RP2: variants seen among roughly 807,000 people sequenced by gnomAD.
The protein encoded by RP2 is protein XRP2.
Under a neutral mutation model 20.3 loss-of-function variants are expected in RP2, and 3 were observed. The observed-to-expected ratio is 0.15, with a 90% confidence interval of 0.07 to 0.38. The LOEUF is 0.38. Among genes scored for constraint, RP2 ranks in the 10% least tolerant of loss-of-function variants. The pLI, the probability that RP2 is intolerant of heterozygous loss-of-function variation, is 1.00. For synonymous variants in RP2, 75 were observed against 94.8 expected (o/e 0.79, Z 1.22); for missense variants, 233 against 268.5 (o/e 0.87, Z 0.92).
At chrX:46,863,668 T>C (rs1265995324) in intron 3 of RP2, among the ~76,000 whole-genome samples, 1 of 111,918 alleles carries the variant, frequency 8.9e-6, no homozygotes, top group Non-Finnish European at 1.9e-5. Flanking sequence ...TGGCAGCATC[T>C]CTGGCCTCTA....
At chrX:46,837,281 G>C in intron 1 of RP2, 79 bp downstream of exon 1, 1 of 974,110 alleles carries the variant, frequency 1.0e-6, no homozygotes, top group Non-Finnish European at 1.4e-6. Flanking sequence ...GACCGCTGAG[G>C]GGGCCGACCC....
At chrX:46,875,705 A>G (rs1426474433) in intron 3 of RP2, among the ~76,000 whole-genome samples, 1 of 111,724 alleles carries the variant, frequency 9.0e-6, no homozygotes, top group African/African-American at 3.2e-5. Context: ...TCCTTTTGAT[A>G]GAACCCCACT....
intron 3 of RP2, among the ~76,000 whole-genome samples, chrX:46,864,849 A>G (rs369825157): frequency 1.8e-5 from 2 of 112,197 alleles, no homozygotes; most frequent in East Asian, 2.8e-4. Context: ...AATTCATTCA[A>G]TTATTCAACA....
chrX:46,839,557 A>AT (rs1412686985), intron 1 of RP2, among the ~76,000 whole-genome samples: 3 of 110,777 alleles, frequency 2.7e-5, no homozygotes, highest in African/African-American at 9.8e-5. Flanking sequence ...GTTTCCAAAA[A>AT]AAAAAAATAA....
At chrX:46,864,047 C>A (rs782261451) in intron 3 of RP2, among the ~76,000 whole-genome samples, 1 of 111,670 alleles carries the variant, frequency 9.0e-6, no homozygotes, top group South Asian at 3.7e-4. Context: ...CACGGTGGCT[C>A]ACACCTGTAA....
chrX:46,877,043 T>C (rs996600004), intron 3 of RP2, among the ~76,000 whole-genome samples: 1 of 112,485 alleles, frequency 8.9e-6, no homozygotes, highest in Admixed American at 9.4e-5. Flanking sequence ...TCAATTCTTA[T>C]TTGGCTTAGC....
In RP2 at chrX:46,853,854, G is replaced by T. The variant is rs150333404; in HGVS notation, c.481G>T (p.Asp161Tyr). ...YYPELAFQFK[D>Y]AGLSIFNNTW... is the part of the protein sequence containing the mutation. The stretch of plus-strand genomic sequence containing the variant: ...TCCTGAATTAGCTTTCCAGTTCAAA[G>T]ATGCAGGGCTAAGTATCTTCAACAA... Residue 161 changes from aspartate (D) to tyrosine (Y), a missense_variant, in exon 2 of 5, where the codon GAT becomes TAT. Physicochemically the swap from Asp to Tyr is radical, Grantham distance 160. Transcript: ENST00000218340. 23 of 1,210,242 alleles carry T rather than the reference G, an allele frequency of 1.9e-5. 1 individual carries two copies. The highest frequency in any genetic ancestry group is 2.6e-5 in the Non-Finnish European group (23 of 895,348).
At chrX:46,877,790 AT>A (rs1183322260) in intron 4 of RP2, among the ~76,000 whole-genome samples, 200 bp downstream of exon 4, 2 of 109,025 alleles carry the variant, frequency 1.8e-5, no homozygotes, top group African/African-American at 6.7e-5. Context: ...CTAAGCTGTG[AT>A]TTTTTTCTTG....
intron 1 of RP2, among the ~76,000 whole-genome samples, chrX:46,837,906 C>A (rs1181663599): frequency 8.9e-6 from 1 of 111,846 alleles, no homozygotes; most frequent in Non-Finnish European, 1.9e-5. Flanking sequence ...AATGAAAACG[C>A]CCTTATTTTT....
chrX:46,872,638 T>C (rs1484730167), intron 3 of RP2, among the ~76,000 whole-genome samples: 1 of 112,326 alleles, frequency 8.9e-6, no homozygotes, highest in Admixed American at 9.5e-5. Context: ...CATCTCTGTG[T>C]CATTATTGTC....
chrX:46,863,459 T>C (rs1342355841), intron 3 of RP2, among the ~76,000 whole-genome samples: 1 of 112,254 alleles, frequency 8.9e-6, no homozygotes, highest in African/African-American at 3.2e-5. Context: ...TTTAAGCTGC[T>C]CAGCAGTGCG....
chrX:46,847,718 ATATG>A (rs1433606236), intron 1 of RP2, among the ~76,000 whole-genome samples: 41 of 72,225 alleles, frequency 5.7e-4, no homozygotes, highest in African/African-American at 2.5e-3. Flanking sequence ...ATACACACAT[ATATG>A]TGTGTGTGTA....
chrX:46,840,585 T>C (rs1924602791), intron 1 of RP2, among the ~76,000 whole-genome samples: 1 of 112,659 alleles, frequency 8.9e-6, no homozygotes, highest in South Asian at 3.6e-4. Context: ...ATCTGTATGC[T>C]GCCACCCATA....
At chrX:46,868,600 A>G (rs1440590672) in intron 3 of RP2, among the ~76,000 whole-genome samples, 1 of 106,150 alleles carries the variant, frequency 9.4e-6, no homozygotes, top group Non-Finnish European at 1.9e-5. Context: ...GCCTGCCAAC[A>G]TGATGAAACC....
chrX:46,848,024 A>T (rs1924788967), intron 1 of RP2, among the ~76,000 whole-genome samples: 2 of 104,819 alleles, frequency 1.9e-5, no homozygotes, highest in Admixed American at 2.1e-4. Context: ...CAAGTATAAA[A>T]CAGAGATAAT....
chrX:46,849,149 C>A (rs1201208959), intron 1 of RP2, among the ~76,000 whole-genome samples: 1 of 110,863 alleles, frequency 9.0e-6, no homozygotes, highest in Non-Finnish European at 1.9e-5. Context: ...GAACTAGTAA[C>A]CTGCAAAATT....
At chrX:46,860,313 T>C (rs1925041179) in intron 3 of RP2, among the ~76,000 whole-genome samples, 1 of 111,104 alleles carries the variant, frequency 9.0e-6, no homozygotes, top group Admixed American at 9.7e-5. Context: ...TTTTTTTCCC[T>C]ATCCTCTGTT....
rs139247971 is a variant in RP2 at position 46,866,276 on chromosome X, G to T, written c.883+6174G>T. ...GCTAGGTGTGCCCTTTACTAATGGG[G>T]TACCACTGGTTCTAGGCCCTTTCAA... On this transcript the variant is annotated intron_variant, in intron 3 of 4. Coordinates refer to ENST00000218340, the MANE Select transcript of RP2 (RefSeq NM_006915.3). Among the ~76,000 whole-genome samples, 658 of 111,767 alleles carry T rather than the reference G, an allele frequency of 5.9e-3. 5 individuals are homozygous for T. Among genetic ancestry groups the T allele is most frequent in the Non-Finnish European group, 9.9e-3 (525 of 53,166 alleles).
At position 46,881,988 on chromosome X, in the gene RP2, C is replaced by G. The variant is rs1310886208; in HGVS notation, c.*2219C>G. The G allele has an allele frequency of 9.0e-6, 1 of 111,620 alleles. No homozygotes were observed. Among genetic ancestry groups the G allele is most frequent in the Non-Finnish European group, 1.9e-5 (1 of 53,144 alleles). The allele number at this position is 111,620 out of a possible 1,213,427, so 9.2% of individuals were successfully genotyped here. On this transcript the variant is annotated 3_prime_UTR_variant, in exon 5 of 5. Coordinates refer to ENST00000218340, the MANE Select transcript of RP2 (RefSeq NM_006915.3). ...TAACCAAAGCTTAAAATTTTGTATT[C>G]TTCTGTTAGATAAGACCTTTTACCC...
Sources: gnomAD v4.1 joint callset for allele counts (sites outside exome capture counted in the v4.1 genomes callset) on GRCh38, gnomAD v4.1.1 for gene constraint, MANE v1.5 for transcripts, NCBI Gene and HGNC (gene_info 2026-07-23, HGNC 2026-07-21) for gene names.